The following DNAH7 variants were observed in gnomAD, a reference collection of about 807,000 sequenced individuals.
DNAH7 encodes dynein axonemal heavy chain 7, also known as axonemal beta dynein heavy chain 7.
In DNAH7, 397 loss-of-function variants were observed where a neutral mutation model predicts 444.6. That is an observed-to-expected ratio of 0.89 (90% CI 0.82 to 0.97). DNAH7 has a LOEUF of 0.97. DNAH7 is among the 50% of genes least tolerant of loss of function. The pLI, the probability that DNAH7 is intolerant of heterozygous loss-of-function variation, is 0.00. For missense variants in DNAH7, 4,902 were observed against 4,800.8 expected (o/e 1.02, Z -0.62); for synonymous variants, 1,636 against 1,624.4 (o/e 1.01, Z -0.17).
intron 8 of DNAH7, among the ~76,000 whole-genome samples, chr2:196,019,952 T>G (rs1441466598): frequency 1.8e-5 from 2 of 114,192 alleles, no homozygotes; most frequent in Admixed American, 2.0e-4. Context: ...CCCCTCCTCC[T>G]CCCCCTTCTT....
chr2:195,963,202 G>A (rs1691229858), intron 17 of DNAH7, among the ~76,000 whole-genome samples: 1 of 152,178 alleles, frequency 6.6e-6, no homozygotes. Flanking sequence ...GTTCTCCATA[G>A]TAGTTGTACT....
intron 40 of DNAH7, 140 bp from the exon 41 acceptor site, chr2:195,865,161 G>T: frequency 1.4e-6 from 1 of 716,476 alleles, no homozygotes; most frequent in South Asian, 2.4e-5. Flanking sequence ...AAATAATCAG[G>T]ACTGATTCAC....
Position 195,972,279 on chromosome 2 carries a change from A to G in DNAH7, c.2021T>C (p.Ile674Thr). ...TTGATATTGTTCTATTTTCTCTTTA[A>G]TGATTTTCCTGTGTTCTTCAAAAAT... ...GEIFEEHRKI[I>T]KEKIEQYQEG... The change falls in exon 16 of 65, where the codon ATT (isoleucine) becomes ACT (threonine). Residue 674 changes from isoleucine to threonine, a missense_variant. Transcript: ENST00000312428. 6.2e-7 allele frequency: 1 copy of G among 1,614,098 alleles called. No individual in the cohort carries two copies. Among genetic ancestry groups the G allele is most frequent in the East Asian group, 2.2e-5 (1 of 44,880 alleles).
intron 47 of DNAH7, among the ~76,000 whole-genome samples, chr2:195,843,872 A>G (rs1188131370): frequency 4.6e-5 from 7 of 152,138 alleles, no homozygotes; most frequent in African/African-American, 1.2e-4. Context: ...TGAGGCGGGC[A>G]CATCACAAGG....
intron 19 of DNAH7, among the ~76,000 whole-genome samples, chr2:195,953,050 T>A (rs1690377922): frequency 6.6e-6 from 1 of 152,226 alleles, no homozygotes; most frequent in South Asian, 2.1e-4. Context: ...TTGCCTGGTT[T>A]TTCCTCATCT....
At chr2:195,975,615 C>A (rs1008862500) in intron 15 of DNAH7, among the ~76,000 whole-genome samples, 2 of 152,168 alleles carry the variant, frequency 1.3e-5, no homozygotes, top group African/African-American at 4.8e-5. Context: ...CCATCCCTCC[C>A]CCAACCCCAG....
chr2:195,787,392 T>C (rs1695673419), intron 57 of DNAH7, among the ~76,000 whole-genome samples: 1 of 152,186 alleles, frequency 6.6e-6, no homozygotes, highest in South Asian at 2.1e-4. Context: ...CACATAGCTG[T>C]GTACCCCAGG....
At chr2:195,778,643 A>AATAT (rs1169066622) in intron 58 of DNAH7, among the ~76,000 whole-genome samples, 1,684 of 56,194 alleles carry the variant, frequency 0.03, 195 homozygotes, top group Admixed American at 0.04. Flanking sequence ...TAAATAAATA[A>AATAT]ATATATATAT....
chr2:195,779,680 C>T (rs571095107), intron 58 of DNAH7, among the ~76,000 whole-genome samples: 20 of 152,104 alleles, frequency 1.3e-4, no homozygotes, highest in Non-Finnish European at 1.9e-4. Context: ...GTGATAAGGG[C>T]TCACTGTCTC....
At chr2:195,753,689 CTCT>C (rs1315330594) in intron 63 of DNAH7, among the ~76,000 whole-genome samples, 2 of 152,170 alleles carry the variant, frequency 1.3e-5, no homozygotes, top group African/African-American at 4.8e-5. Context: ...TAAAAAATAA[CTCT>C]TATTTAAAAT....
chr2:195,906,574 G>A (rs1272176576), intron 27 of DNAH7, 85 bp downstream of exon 27: 13 of 1,346,864 alleles, frequency 9.7e-6, no homozygotes, highest in Admixed American at 4.2e-5. Flanking sequence ...GATTATAGGC[G>A]TTAGCCACCA....
chr2:196,024,730 A>G (rs1226577590), intron 7 of DNAH7, among the ~76,000 whole-genome samples: 1 of 152,126 alleles, frequency 6.6e-6, no homozygotes, highest in Non-Finnish European at 1.5e-5. Context: ...TCTTAACACA[A>G]TGTGTCCCTC....
At chr2:196,057,360 C>T (rs1032494707) in intron 2 of DNAH7, among the ~76,000 whole-genome samples, 1 of 152,120 alleles carries the variant, frequency 6.6e-6, no homozygotes, top group African/African-American at 2.4e-5. Flanking sequence ...TTAAATTTAA[C>T]ACGCCAAAAA....
chr2:195,944,314 G>A (rs1689657393), intron 19 of DNAH7, among the ~76,000 whole-genome samples: 2 of 152,016 alleles, frequency 1.3e-5, no homozygotes, highest in Non-Finnish European at 2.9e-5. Flanking sequence ...ATCTAATTGA[G>A]ACAGGCCATT....
chr2:195,988,986 G>T (rs907612152), intron 12 of DNAH7, among the ~76,000 whole-genome samples: 1 of 152,048 alleles, frequency 6.6e-6, no homozygotes, highest in Non-Finnish European at 1.5e-5. Flanking sequence ...GCCCTCCAGG[G>T]TTATCCATAT....
chr2:195,748,185 C>A (rs891449146), intron 63 of DNAH7, among the ~76,000 whole-genome samples: 1 of 151,966 alleles, frequency 6.6e-6, no homozygotes, highest in Non-Finnish European at 1.5e-5. Context: ...TTCTTATACA[C>A]CAATAACAGA....
At chr2:196,015,013 G>A (rs1374915467) in intron 9 of DNAH7, among the ~76,000 whole-genome samples, 1 of 151,840 alleles carries the variant, frequency 6.6e-6, no homozygotes, top group Admixed American at 6.6e-5. Context: ...ATAAACAAAT[G>A]CCACCATAAA....
intron 49 of DNAH7, among the ~76,000 whole-genome samples, chr2:195,823,491 C>T (rs1697568602): frequency 6.6e-6 from 1 of 152,146 alleles, no homozygotes; most frequent in South Asian, 2.1e-4. Context: ...CAGAGAGATG[C>T]CTATGTTAAT....
chr2:195,922,426 C>T (rs1688079909), intron 23 of DNAH7, among the ~76,000 whole-genome samples: 1 of 152,150 alleles, frequency 6.6e-6, no homozygotes, highest in South Asian at 2.1e-4. Flanking sequence ...CTTACCTCTT[C>T]CATATTTTTA....
Sources: allele counts gnomAD v4.1 joint callset (sites outside exome capture counted in the v4.1 genomes callset), GRCh38; gene constraint gnomAD v4.1.1; transcripts MANE v1.5; gene names NCBI Gene and HGNC (gene_info 2026-07-23, HGNC 2026-07-21).